The following PDE1A variants were observed in gnomAD, a reference collection of about 807,000 sequenced individuals.
PDE1A encodes phosphodiesterase 1A.
In PDE1A, 35 loss-of-function variants were observed where a neutral mutation model predicts 61.7. That is an observed-to-expected ratio of 0.57 (90% CI 0.43 to 0.75). The LOEUF is 0.75. PDE1A is among the 30% of genes least tolerant of loss of function. The pLI is 0.00. For missense variants in PDE1A, 597 were observed against 630.6 expected (o/e 0.95, Z 0.57); for synonymous variants, 232 against 213.2 (o/e 1.09, Z -0.77).
the PDE1A span, among the ~76,000 whole-genome samples, chr2:182,692,219 A>G: frequency 3.2e-3 from 481 of 151,534 alleles, 10 homozygotes; most frequent in East Asian, 0.03. Flanking sequence ...AAAGACACAC[A>G]CACACGTTTA....
intron 1 of PDE1A, among the ~76,000 whole-genome samples, chr2:182,339,440 A>G (rs1335599741): frequency 6.6e-6 from 1 of 152,238 alleles, no homozygotes; most frequent in Admixed American, 6.5e-5. Context: ...AAATTCAAAC[A>G]CAATCTAGAT....
At chr2:182,181,975 T>C (rs980578570) in intron 13 of PDE1A, among the ~76,000 whole-genome samples, 4 of 152,190 alleles carry the variant, frequency 2.6e-5, no homozygotes, top group African/African-American at 9.6e-5. Context: ...TTTATACTGT[T>C]CCATAATATG....
chr2:182,490,211 A>G (rs4666845), intron 2 of PDE1A, among the ~76,000 whole-genome samples: 126,105 of 152,090 alleles, frequency 0.83, 52,465 homozygotes, highest in East Asian at 0.99. Context: ...GTTTCAGTGT[A>G]GAAAGGGAGA....
chr2:182,264,549 T>C (rs533989469), intron 1 of PDE1A, 135 bp from the exon 2 acceptor site: 3 of 594,464 alleles, frequency 5.0e-6, no homozygotes, highest in Non-Finnish European at 8.8e-6. Context: ...AGCATTATTT[T>C]CAGATTTTTT....
intron 2 of PDE1A, among the ~76,000 whole-genome samples, chr2:182,263,852 A>C (rs1296877551): frequency 6.6e-6 from 1 of 152,188 alleles, no homozygotes; most frequent in Admixed American, 6.5e-5. Context: ...GCCCCTTAGC[A>C]ATCCCTGCAT....
chr2:182,623,272 C>T, the PDE1A span, among the ~76,000 whole-genome samples: 1 of 152,118 alleles, frequency 6.6e-6, no homozygotes, highest in East Asian at 1.9e-4. Flanking sequence ...AGCCAACAGA[C>T]TGGTATAGAC....
chr2:182,592,918 A>G, the PDE1A span, among the ~76,000 whole-genome samples: 6 of 151,172 alleles, frequency 4.0e-5, no homozygotes, highest in East Asian at 1.2e-3. Flanking sequence ...GAAAGCATAA[A>G]ACGACGAGGT....
chr2:182,562,933 G>C, the PDE1A span, among the ~76,000 whole-genome samples: 2 of 152,090 alleles, frequency 1.3e-5, no homozygotes, highest in South Asian at 2.1e-4. Context: ...GTGTCTATTT[G>C]ATTCTTTGCT....
chr2:182,502,185 T>C (rs971590095), intron 2 of PDE1A, among the ~76,000 whole-genome samples: 6 of 152,178 alleles, frequency 3.9e-5, no homozygotes, highest in Non-Finnish European at 8.8e-5. Flanking sequence ...CACCTATCTA[T>C]CTGCAAATGT....
chr2:182,301,769 C>A (rs1695259884), intron 1 of PDE1A, among the ~76,000 whole-genome samples: 1 of 152,158 alleles, frequency 6.6e-6, no homozygotes, highest in South Asian at 2.1e-4. Flanking sequence ...CTAGTGATAA[C>A]CATGGACAAA....
chr2:182,564,745 T>C, the PDE1A span, among the ~76,000 whole-genome samples: 3 of 152,136 alleles, frequency 2.0e-5, no homozygotes, highest in African/African-American at 7.2e-5. Context: ...GGAGGCTTTG[T>C]TCGTTTCTTT....
At chr2:182,614,527 C>A in the PDE1A span, among the ~76,000 whole-genome samples, 32 of 147,960 alleles carry the variant, frequency 2.2e-4, no homozygotes, top group Non-Finnish European at 1.5e-4. Flanking sequence ...CACTTTATTA[C>A]ATAATATTTA....
At chr2:182,487,871 T>A (rs930548326) in intron 2 of PDE1A, among the ~76,000 whole-genome samples, 6 of 152,188 alleles carry the variant, frequency 3.9e-5, no homozygotes, top group Non-Finnish European at 8.8e-5. Context: ...AGAAAGTTTG[T>A]AATGAAAGAT....
chr2:182,582,827 A>T, the PDE1A span, among the ~76,000 whole-genome samples: 1 of 152,138 alleles, frequency 6.6e-6, no homozygotes, highest in African/African-American at 2.4e-5. Context: ...CAGAGATATA[A>T]CCTGTGTTAA....
At chr2:182,255,198 T>C (rs751149059) in intron 2 of PDE1A, among the ~76,000 whole-genome samples, 10 of 152,216 alleles carry the variant, frequency 6.6e-5, no homozygotes, top group Admixed American at 2.0e-4. Flanking sequence ...CCTGTGTTTA[T>C]AGTCACCACT....
At chr2:182,433,373 G>A (rs1704050860) in intron 2 of PDE1A, among the ~76,000 whole-genome samples, 2 of 151,968 alleles carry the variant, frequency 1.3e-5, no homozygotes, top group Admixed American at 1.3e-4. Context: ...CTTCTTTTGG[G>A]GGTTCTCTTT....
At chr2:182,313,038 T>A (rs1454039353) in intron 1 of PDE1A, among the ~76,000 whole-genome samples, 1 of 152,226 alleles carries the variant, frequency 6.6e-6, no homozygotes, top group Non-Finnish European at 1.5e-5. Flanking sequence ...ACTCTAAAAA[T>A]TTTCAGAATA....
chr2:182,185,145 G>GA (rs1685098958), intron 13 of PDE1A, among the ~76,000 whole-genome samples: 1 of 152,002 alleles, frequency 6.6e-6, no homozygotes, highest in African/African-American at 2.4e-5. Context: ...ATTTCTGGCT[G>GA]AAAAAATAAC....
chr2:182,299,614 A>G (rs568167811), intron 1 of PDE1A, among the ~76,000 whole-genome samples: 3 of 151,844 alleles, frequency 2.0e-5, no homozygotes, highest in South Asian at 4.2e-4. Context: ...CTACAAATTT[A>G]ATGAAACAAC....
Sources: gnomAD v4.1 joint callset for allele counts (sites outside exome capture counted in the v4.1 genomes callset) on GRCh38, gnomAD v4.1.1 for gene constraint, MANE v1.5 for transcripts, NCBI Gene and HGNC (gene_info 2026-07-23, HGNC 2026-07-21) for gene names.